The following MACROD2 variants were observed in gnomAD, a reference collection of about 807,000 sequenced individuals.
The protein encoded by MACROD2 is mono-ADP ribosylhydrolase 2.
Under a neutral mutation model 70.4 loss-of-function variants are expected in MACROD2, and 36 were observed. The ratio of observed to expected loss-of-function variants is 0.51; its 90% CI spans 0.39 to 0.68. The LOEUF (loss-of-function observed/expected upper bound fraction) is 0.68. Among genes scored for constraint, MACROD2 ranks in the 30% least tolerant of loss-of-function variants. The pLI is 0.00. For synonymous variants in MACROD2, 172 were observed against 178.8 expected, an observed-to-expected ratio of 0.96 and a Z score of 0.30; for missense variants, 496 against 538.4, an observed-to-expected ratio of 0.92 and a Z score of 0.78.
intron 6 of MACROD2, among the ~76,000 whole-genome samples, chr20:15,277,489 A>G (rs1373439822): frequency 6.6e-6 from 1 of 152,242 alleles, no homozygotes; most frequent in African/African-American, 2.4e-5. Context: ...ATAGGTTGCT[A>G]TAACCTGCAC....
At chr20:15,912,832 A>T (rs1166907026) in intron 10 of MACROD2, among the ~76,000 whole-genome samples, 3 of 152,242 alleles carry the variant, frequency 2.0e-5, no homozygotes, top group Non-Finnish European at 4.4e-5. Context: ...TTTAATTAAA[A>T]TGTAATTCTG....
chr20:14,260,483 G>T (rs2082092744), intron 3 of MACROD2, among the ~76,000 whole-genome samples: 1 of 152,108 alleles, frequency 6.6e-6, no homozygotes, highest in African/African-American at 2.4e-5. Context: ...TATCACCCAG[G>T]CTGGAGTGCA....
At chr20:14,774,910 T>C (rs1302724624) in intron 5 of MACROD2, among the ~76,000 whole-genome samples, 1 of 152,110 alleles carries the variant, frequency 6.6e-6, no homozygotes, top group African/African-American at 2.4e-5. Flanking sequence ...ACAGTTATTC[T>C]TTTCTGTAAT....
intron 4 of MACROD2, among the ~76,000 whole-genome samples, chr20:14,494,775 G>A (rs908557884): frequency 3.9e-5 from 6 of 152,020 alleles, no homozygotes; most frequent in African/African-American, 9.7e-5. Flanking sequence ...GAATTTGTAG[G>A]ATGTTTCATT....
At chr20:14,934,140 C>T (rs2074320315) in intron 5 of MACROD2, among the ~76,000 whole-genome samples, 1 of 152,130 alleles carries the variant, frequency 6.6e-6, no homozygotes, top group African/African-American at 2.4e-5. Flanking sequence ...AAAGAGTTTA[C>T]CAAGACGAAT....
chr20:14,356,519 T>C (rs2122708171), intron 3 of MACROD2, among the ~76,000 whole-genome samples: 1 of 146,598 alleles, frequency 6.8e-6, no homozygotes, highest in Non-Finnish European at 1.5e-5. Context: ...TTTTTTTTTT[T>C]TTCGAGATGG....
rs56752104 is a variant in MACROD2, at chr20:15,206,721, G to GTTTTTTT, written c.419-23199_419-23193dup. On this transcript the variant is annotated intron_variant, in intron 5 of 17. Coordinates refer to ENST00000684519, the MANE Select transcript of MACROD2 (RefSeq NM_001351661.2). The stretch of plus-strand genomic sequence containing the variant: ...GCATGAAGTCTTTCATATTATCTAT[G>GTTTTTTT]TTTTTTTTTTTTTTTTTTTTTTTTT... Among the ~76,000 whole-genome samples, 23 of 33,000 alleles carry GTTTTTTT rather than the reference G, an allele frequency of 7.0e-4. 7 individuals carry two copies. The highest frequency in any genetic ancestry group is 2.1e-3 in the East Asian group (3 of 1,416). 21.6% of individuals were successfully genotyped at this position (33,000 alleles called of 152,430 possible).
intron 3 of MACROD2, among the ~76,000 whole-genome samples, chr20:14,126,835 G>T (rs1157937564): frequency 6.6e-6 from 1 of 152,058 alleles, no homozygotes. Flanking sequence ...ATCTATAAAT[G>T]TGTGTGTTCT....
chr20:14,864,713 G>C (rs1243365477), intron 5 of MACROD2, among the ~76,000 whole-genome samples: 1 of 152,014 alleles, frequency 6.6e-6, no homozygotes, highest in Non-Finnish European at 1.5e-5. Context: ...TGCTTCTAAA[G>C]ATAACTGAGA....
chr20:15,528,728 T>G (rs1178691326), intron 8 of MACROD2, among the ~76,000 whole-genome samples: 1 of 152,056 alleles, frequency 6.6e-6, no homozygotes, highest in East Asian at 1.9e-4. Context: ...TATGTGGTTT[T>G]TTTTTTTTTC....
intron 13 of MACROD2, among the ~76,000 whole-genome samples, chr20:15,968,194 G>C (rs777418253): frequency 3.9e-5 from 6 of 152,126 alleles, no homozygotes; most frequent in Non-Finnish European, 5.9e-5. Context: ...GATAAAGAAA[G>C]GCTTTTCAAG....
intron 4 of MACROD2, among the ~76,000 whole-genome samples, chr20:14,511,495 C>G (rs982085082): frequency 7.9e-5 from 12 of 151,992 alleles, no homozygotes; most frequent in African/African-American, 2.7e-4. Flanking sequence ...CAGCTAATAT[C>G]TGTGATCTTT....
rs528632132 is a variant in MACROD2, at chr20:14,862,860, C to T, written c.418+177901C>T. On this transcript the variant is annotated intron_variant, in intron 5 of 17. Coordinates refer to ENST00000684519, the MANE Select transcript of MACROD2 (RefSeq NM_001351661.2). ...AGCAGAAGTTGAGTTGGCATACCTA[C>T]TGTAGTGAGGGATTTTGAACAATGA... is the stretch of plus-strand genomic sequence containing the variant. Among the ~76,000 whole-genome samples the T allele has an allele frequency of 4.0e-5, 6 of 148,916 alleles. No individual in the cohort carries two copies. In the South Asian group the frequency reaches 1.1e-3, roughly 26 times the overall value.
At chr20:15,473,823 T>C (rs2046989372) in intron 7 of MACROD2, among the ~76,000 whole-genome samples, 2 of 152,230 alleles carry the variant, frequency 1.3e-5, no homozygotes, top group Admixed American at 1.3e-4. Context: ...GTGGGTTTAC[T>C]AATCAGATTT....
intron 6 of MACROD2, among the ~76,000 whole-genome samples, chr20:15,292,282 T>C (rs1194110287): frequency 6.6e-6 from 1 of 152,192 alleles, no homozygotes; most frequent in Non-Finnish European, 1.5e-5. Flanking sequence ...GCTAATTAAC[T>C]TATCTAATCT....
intron 5 of MACROD2, among the ~76,000 whole-genome samples, chr20:14,748,970 C>G (rs1235186371): frequency 2.6e-5 from 4 of 151,980 alleles, no homozygotes; most frequent in Non-Finnish European, 5.9e-5. Flanking sequence ...AGCCACCCAC[C>G]CAAGTCATTA....
chr20:15,220,858 T>A (rs1357033485), intron 5 of MACROD2, among the ~76,000 whole-genome samples: 1 of 152,186 alleles, frequency 6.6e-6, no homozygotes, highest in African/African-American at 2.4e-5. Context: ...AATTGCCCTA[T>A]GCACTGGCAC....
rs1000694250 is a variant in MACROD2 at position 14,295,024 on chromosome 20, C to T, written c.272-198455C>T. On this transcript the variant is annotated intron_variant, in intron 3 of 17. Coordinates refer to ENST00000684519, the MANE Select transcript of MACROD2 (RefSeq NM_001351661.2). ...TCATCCAACTTAGTAATTATCAATT[C>T]ATGGCCAATGTATATACCCATGCAA... 4.6e-5 allele frequency among the ~76,000 whole-genome samples: 7 copies of T among 151,722 alleles called. 1 individual carries two copies. Among genetic ancestry groups the T allele is most frequent in the African/African-American group, 1.7e-4 (7 of 41,132 alleles).
At chr20:14,465,671 C>T (rs1242853366) in intron 3 of MACROD2, among the ~76,000 whole-genome samples, 1 of 152,072 alleles carries the variant, frequency 6.6e-6, no homozygotes, top group African/African-American at 2.4e-5. Context: ...GTGCCTGGTA[C>T]CGGTTGTTCC....
Sources: gnomAD v4.1 joint callset for allele counts (sites outside exome capture counted in the v4.1 genomes callset) on GRCh38, gnomAD v4.1.1 for gene constraint, MANE v1.5 for transcripts, NCBI Gene and HGNC (gene_info 2026-07-23, HGNC 2026-07-21) for gene names.